Variants in MAX observed in about 807,000 individuals in gnomAD.
The protein encoded by MAX is MYC associated transcriptional regulator X.
In MAX, 3 loss-of-function variants were observed where a neutral mutation model predicts 22.3. The ratio of observed to expected loss-of-function variants is 0.13; its 90% CI spans 0.06 to 0.35. The LOEUF is 0.35. Ranked by LOEUF, MAX falls within the 10% of genes least tolerant of loss-of-function variation. The pLI is 1.00. For missense variants in MAX, 119 were observed against 209.4 expected (o/e 0.57, Z 2.66); for synonymous variants, 72 against 77.7 (o/e 0.93, Z 0.39).
Position 65,075,815 on chromosome 14 carries a change from G to GGCTTAAAC in MAX, c.*653_*660dup. 6.6e-6 allele frequency: 7 copies of GGCTTAAAC among 1,067,210 alleles called. No individual in the cohort carries two copies. Among genetic ancestry groups the GGCTTAAAC allele is most frequent in the Non-Finnish European group, 8.0e-6 (7 of 880,432 alleles). 66.1% of individuals were successfully genotyped at this position (1,067,210 alleles called of 1,614,324 possible). On this transcript the variant is annotated 3_prime_UTR_variant, in exon 5 of 5. Coordinates refer to ENST00000358664, the MANE Select transcript of MAX (RefSeq NM_002382.5). The surrounding 1 kb of genome is among the most constrained non-coding windows in gnomAD (Gnocchi z 4.1). ...GGCCCTCCGTGAGGCTGGCGCCGCA[G>GGCTTAAAC]GCTTAAACAGCTGGCTGAGAGAAGC...
chr14:65,043,594 G>A (rs1405704291), intron 3 of MAX, among the ~76,000 whole-genome samples: 1 of 151,732 alleles, frequency 6.6e-6, no homozygotes, highest in Non-Finnish European at 1.5e-5. Context: ...AGGCCGAGGC[G>A]GGTGGATCAT....
chr14:65,094,474 C>A (rs1162636790), intron 2 of MAX, among the ~76,000 whole-genome samples: 1 of 152,232 alleles, frequency 6.6e-6, no homozygotes, highest in Non-Finnish European at 1.5e-5. Context: ...AAGGTGCTAT[C>A]CTGCCAAGGG....
At chr14:65,038,085 T>C (rs538837869) in intron 3 of MAX, among the ~76,000 whole-genome samples, 1 of 151,850 alleles carries the variant, frequency 6.6e-6, no homozygotes, top group East Asian at 2.0e-4. Context: ...AAATATGACA[T>C]CCCATTAGTA....
At chr14:65,100,327 G>T (rs143017296) in intron 2 of MAX, among the ~76,000 whole-genome samples, 2,664 of 152,258 alleles carry the variant, frequency 0.017, 34 homozygotes, top group Non-Finnish European at 0.026. Context: ...GCACGCGCCT[G>T]TAGTCCCAGC....
At chr14:65,091,614 G>A (rs901009087) in intron 3 of MAX, among the ~76,000 whole-genome samples, 7 of 152,178 alleles carry the variant, frequency 4.6e-5, no homozygotes, top group Non-Finnish European at 7.3e-5. Context: ...CTGTCTCAGT[G>A]CTACCACACT....
chr14:65,052,174 C>T (rs1049374870), intron 3 of MAX, among the ~76,000 whole-genome samples: 2 of 152,008 alleles, frequency 1.3e-5, no homozygotes, highest in African/African-American at 4.8e-5. Context: ...CTTATATGTC[C>T]ACTTAATGAA....
rs2062019004 is a variant in MAX, at chr14:65,028,234, G to A, written c.172-21950C>T. ...AGGCACATGAGAGTTTTTCTGGGAG[G>A]TGCAGAGAGCCTTGTGGGCCGGGAG... On this transcript the variant is annotated intron_variant, in intron 3 of 3. Coordinates refer to the MAX transcript ENST00000341653. This position sits in a 1 kb window ranked among gnomAD's most constrained non-coding sequence, Gnocchi z 4.4. Among the ~76,000 whole-genome samples, 1 of 152,146 alleles carries A rather than the reference G, an allele frequency of 6.6e-6. No homozygotes were observed. The highest frequency in any genetic ancestry group is 2.4e-5 in the African/African-American group (1 of 41,434).
At chr14:65,049,844 C>G (rs962334574) in intron 3 of MAX, among the ~76,000 whole-genome samples, 4 of 151,998 alleles carry the variant, frequency 2.6e-5, no homozygotes, top group Non-Finnish European at 4.4e-5. Flanking sequence ...TATTCAGTTG[C>G]GAACCATCAT....
At position 65,054,720 on chromosome 14, in the gene MAX, C is replaced by T; in HGVS notation, c.171+38988G>A. The T allele has an allele frequency of 6.3e-7, 1 of 1,579,220 alleles. No homozygotes were observed. ...ACGGGTGCAGGGCTTCACACCCCTT[C>T]TCCACAGGGACCTCGCGGACAGAAG... is the stretch of plus-strand genomic sequence containing the variant. On this transcript the variant is annotated intron_variant, in intron 3 of 3. Transcript: ENST00000341653. This position sits in a 1 kb window ranked among gnomAD's most constrained non-coding sequence, Gnocchi z 4.4.
In MAX at chr14:65,076,468, C is replaced by T. The variant is rs371163654; in HGVS notation, c.*8G>A. 9 of 1,612,928 alleles carry T rather than the reference C, an allele frequency of 5.6e-6. No individual in the cohort carries two copies. The highest frequency in any genetic ancestry group is 5.0e-5 in the Admixed American group (3 of 59,992). On this transcript the variant is annotated 3_prime_UTR_variant, in exon 5 of 5. Coordinates refer to ENST00000358664, the MANE Select transcript of MAX (RefSeq NM_002382.5). The surrounding 1 kb of genome is among the most constrained non-coding windows in gnomAD (Gnocchi z 6.6). ...GACAGTTTTTATTGCTGGCCTGCCC[C>T]GAGTGGCTTAGCTGGCCTCCATCCG... is the stretch of plus-strand genomic sequence containing the variant.
At chr14:65,094,171 C>T (rs1267311890) in intron 2 of MAX, 51 of 334,542 alleles carry the variant, frequency 1.5e-4, no homozygotes, top group South Asian at 1.3e-3. Context: ...TAGGAAGTGA[C>T]TAGAGAAAGC....
In MAX at chr14:65,079,315, T is replaced by A. The variant is rs957094226; in HGVS notation, c.172-1279A>T. On this transcript the variant is annotated intron_variant, in intron 3 of 4. Coordinates refer to ENST00000358664, the MANE Select transcript of MAX (RefSeq NM_002382.5). This position sits in a 1 kb window ranked among gnomAD's most constrained non-coding sequence, Gnocchi z 4.5. The stretch of plus-strand genomic sequence containing the variant: ...ATGTCAACACAGGAAGAGCATGAGA[T>A]TGGGCCATTTCAGGAAACAACCACA... 6.6e-6 allele frequency among the ~76,000 whole-genome samples: 1 copy of A among 152,142 alleles called. No individual in the cohort carries two copies. The highest frequency in any genetic ancestry group is 1.5e-5 in the Non-Finnish European group (1 of 68,032).
intron 3 of MAX, among the ~76,000 whole-genome samples, chr14:65,020,514 C>T (rs1428768809): frequency 1.3e-5 from 2 of 152,194 alleles, no homozygotes; most frequent in African/African-American, 4.8e-5. Flanking sequence ...CAACCTCCAC[C>T]TCCTGGGTTC....
chr14:65,015,317 G>A (rs562291958), intron 3 of MAX, among the ~76,000 whole-genome samples: 9 of 151,486 alleles, frequency 5.9e-5, no homozygotes, highest in African/African-American at 1.5e-4. Context: ...TGGCCAGGCT[G>A]GTCTTGAACT....
intron 3 of MAX, among the ~76,000 whole-genome samples, chr14:65,065,730 G>A (rs1426401335): frequency 6.6e-6 from 1 of 152,112 alleles, no homozygotes; most frequent in Non-Finnish European, 1.5e-5. Context: ...CCACCAATTA[G>A]CCCCAAGACC....
chr14:65,087,386 A>G (rs538369608), intron 3 of MAX, among the ~76,000 whole-genome samples: 6 of 152,328 alleles, frequency 3.9e-5, no homozygotes, highest in African/African-American at 1.4e-4. Context: ...CAGACACTCA[A>G]TGCCAGCCTG....
Position 65,078,184 on chromosome 14 carries a change from A to G in MAX, c.172-148T>C. ...GAAGAAATACAATAATGGCTACTGT[A>G]GGCTTTATTTATTTATTTATTTTTT... On this transcript the variant is annotated intron_variant, in intron 3 of 4. Coordinates refer to ENST00000358664, the MANE Select transcript of MAX (RefSeq NM_002382.5). This position sits in a 1 kb window ranked among gnomAD's most constrained non-coding sequence, Gnocchi z 6.4. The G allele has an allele frequency of 1.3e-6, 1 of 768,842 alleles. No homozygotes were observed. Among genetic ancestry groups the G allele is most frequent in the East Asian group, 2.7e-5 (1 of 37,076 alleles). The allele number at this position is 768,842 out of a possible 1,614,324, so 47.6% of individuals were successfully genotyped here. A position where few individuals can be genotyped will look rare whatever the true frequency, so the allele number is the denominator to read the frequency against.
At chr14:65,045,893 T>C (rs1306409848) in intron 3 of MAX, among the ~76,000 whole-genome samples, 6 of 152,248 alleles carry the variant, frequency 3.9e-5, no homozygotes, top group Non-Finnish European at 8.8e-5. Flanking sequence ...GCAAGTGCAC[T>C]GTCAGCAAGT....
chr14:65,010,450 T>G (rs2061665536), intron 3 of MAX, among the ~76,000 whole-genome samples: 1 of 152,198 alleles, frequency 6.6e-6, no homozygotes, highest in African/African-American at 2.4e-5. Flanking sequence ...AGTCCCAGCA[T>G]CCTAAGACCC....
Sources: allele counts gnomAD v4.1 joint callset (sites outside exome capture counted in the v4.1 genomes callset), GRCh38; gene constraint gnomAD v4.1.1; non-coding constraint Gnocchi (gnomAD v3.1); transcripts MANE v1.5; gene names NCBI Gene and HGNC (gene_info 2026-07-23, HGNC 2026-07-21).